The following PLCG2 variants were observed in gnomAD, a reference collection of about 807,000 sequenced individuals.
PLCG2 encodes 1-phosphatidylinositol 4,5-bisphosphate phosphodiesterase gamma-2.
A neutral mutation model predicts 175.6 loss-of-function variants in PLCG2; 69 were observed. That is an observed-to-expected ratio of 0.39 (90% confidence interval 0.32 to 0.48). PLCG2 has a LOEUF of 0.48. PLCG2 is among the 20% of genes least tolerant of loss of function. The probability of loss-of-function intolerance (pLI) is 0.91; values close to 1 mark genes in which losing one functional copy is unlikely to be tolerated. For missense variants in PLCG2, 1,798 were observed against 1,650.9 expected, an observed-to-expected ratio of 1.09 and a Z score of -1.54; for synonymous variants, 827 against 624.0, an observed-to-expected ratio of 1.33 and a Z score of -4.85.
At chr16:81,850,856 C>T (rs1443222848) in intron 2 of PLCG2, among the ~76,000 whole-genome samples, 1 of 152,208 alleles carries the variant, frequency 6.6e-6, no homozygotes, top group African/African-American at 2.4e-5. Flanking sequence ...TTCAGATCTC[C>T]TGCACATGCG....
intron 1 of PLCG2, among the ~76,000 whole-genome samples, chr16:81,741,600 A>G (rs1431739139): frequency 1.3e-5 from 2 of 152,192 alleles, no homozygotes; most frequent in African/African-American, 4.8e-5. Context: ...AGTTGAGGCC[A>G]GGAGTTCAAG....
chr16:81,764,892 C>T (rs368218370), intron 2 of PLCG2, among the ~76,000 whole-genome samples: 1 of 152,060 alleles, frequency 6.6e-6, no homozygotes, highest in Admixed American at 6.6e-5. Flanking sequence ...GAGTTCGAGA[C>T]CAGCCTGGAC....
At chr16:81,805,619 C>A (rs556511748) in intron 2 of PLCG2, among the ~76,000 whole-genome samples, 1 of 151,830 alleles carries the variant, frequency 6.6e-6, no homozygotes, top group Admixed American at 6.6e-5. Context: ...AGATGCCTCA[C>A]ACCCCCTTCC....
intron 2 of PLCG2, among the ~76,000 whole-genome samples, chr16:81,816,395 G>A (rs563162470): frequency 1.3e-5 from 2 of 152,158 alleles, no homozygotes; most frequent in South Asian, 4.2e-4. Context: ...TTAGGCTTCA[G>A]ATACTGAACT....
chr16:81,936,689 C>T (rs781435642), intron 27 of PLCG2, among the ~76,000 whole-genome samples: 7 of 152,202 alleles, frequency 4.6e-5, no homozygotes, highest in Non-Finnish European at 7.3e-5. Context: ...GTTCTCTTCT[C>T]CAGGCCTGTT....
chr16:81,746,390 T>C (rs754040877), intron 1 of PLCG2, among the ~76,000 whole-genome samples: 7 of 152,106 alleles, frequency 4.6e-5, no homozygotes, highest in Non-Finnish European at 8.8e-5. Flanking sequence ...GCCGCAGCGG[T>C]GAACGCACTG....
intron 5 of PLCG2, among the ~76,000 whole-genome samples, chr16:81,860,221 T>A (rs9674372): frequency 0.13 from 19,372 of 148,908 alleles, 1,752 homozygotes; most frequent in Non-Finnish European, 0.2. Flanking sequence ...CATTTTTTTT[T>A]AAAAAAAGCA....
intron 5 of PLCG2, among the ~76,000 whole-genome samples, chr16:81,861,755 C>T (rs189289161): frequency 1.2e-4 from 18 of 152,352 alleles, no homozygotes; most frequent in African/African-American, 4.3e-4. Flanking sequence ...CAGTGCCTCT[C>T]TCCACGCGGT....
intron 1 of PLCG2, among the ~76,000 whole-genome samples, chr16:81,780,301 C>A (rs138743621): frequency 1.4e-3 from 208 of 152,268 alleles, no homozygotes; most frequent in African/African-American, 4.7e-3. Context: ...TGGAGCCACC[C>A]AATTTTCCAG....
intron 26 of PLCG2, chr16:81,935,647 G>GGC: frequency 1.0e-6 from 1 of 985,284 alleles, no homozygotes; most frequent in Non-Finnish European, 1.2e-6. Context: ...TTGACTGCCG[G>GGC]GCTATCCCAC....
At position 81,919,684 on chromosome 16, in the gene PLCG2, G is replaced by C. The variant is rs1296277574; in HGVS notation, c.2235+20G>C. On this transcript the variant is annotated intron_variant, in intron 20 of 32. Transcript: ENST00000564138. ...AATATGGTAGGTGGTGGACTCCCTT[G>C]TGATTTGGTGGGATTTCTTGTCTGA... 28 of 1,598,144 alleles carry C rather than the reference G, an allele frequency of 1.8e-5. No individual in the cohort carries two copies. The highest frequency in any genetic ancestry group is 2.4e-5 in the Non-Finnish European group (28 of 1,167,548).
At chr16:81,742,837 T>G (rs1189469086) in intron 1 of PLCG2, among the ~76,000 whole-genome samples, 1 of 152,218 alleles carries the variant, frequency 6.6e-6, no homozygotes, top group Admixed American at 6.5e-5. Flanking sequence ...GGGCCCCTCG[T>G]CCTCCCAGCT....
intron 7 of PLCG2, among the ~76,000 whole-genome samples, chr16:81,879,255 C>A (rs911037833): frequency 1.2e-4 from 19 of 152,156 alleles, no homozygotes; most frequent in African/African-American, 4.1e-4. Flanking sequence ...CTGATGCCTT[C>A]AGCAGCAGGC....
Position 81,958,236 on chromosome 16 carries a change from C to T in PLCG2, c.*238C>T, listed in dbSNP as rs1911654335. 3.8e-5 allele frequency: 20 copies of T among 527,230 alleles called. No individual in the cohort carries two copies. The South Asian group carries it at 5.2e-4, about 14-fold the overall frequency. The allele number at this position is 527,230 out of a possible 1,614,324, so 32.7% of individuals were successfully genotyped here. On this transcript the variant is annotated 3_prime_UTR_variant, in exon 33 of 33. Coordinates refer to ENST00000564138, the MANE Select transcript of PLCG2 (RefSeq NM_002661.5). The stretch of plus-strand genomic sequence containing the variant: ...TATAGAGGATTCCCCAAAATGTGCT[C>T]CTCATTTTTGGCCTCTCATGTTCCA...
chr16:81,739,525 T>G (rs1218574168), intron 1 of PLCG2: 1 of 152,262 alleles, frequency 6.6e-6, no homozygotes, highest in Non-Finnish European at 1.5e-5. Context: ...GTGCTGAGGA[T>G]GGGTCACCTG....
chr16:81,773,773 A>G (rs1910332773), intron 2 of PLCG2, among the ~76,000 whole-genome samples: 1 of 152,104 alleles, frequency 6.6e-6, no homozygotes, highest in Non-Finnish European at 1.5e-5. Flanking sequence ...CCTATTTACC[A>G]AAGAAGAAAG....
At chr16:81,938,472 G>A (rs1035185054) in intron 28 of PLCG2, 3 of 356,720 alleles carry the variant, frequency 8.4e-6, no homozygotes, top group African/African-American at 4.1e-5. Flanking sequence ...CTTTCCTAGG[G>A]GTGTGGAAAT....
intron 7 of PLCG2, among the ~76,000 whole-genome samples, chr16:81,877,664 G>A (rs960412853): frequency 1.3e-5 from 2 of 152,196 alleles, no homozygotes; most frequent in Non-Finnish European, 2.9e-5. Flanking sequence ...GTGGCTGCCA[G>A]CAGTCCTACA....
chr16:81,808,923 G>A (rs1904294999), intron 2 of PLCG2, among the ~76,000 whole-genome samples: 1 of 152,206 alleles, frequency 6.6e-6, no homozygotes, highest in Non-Finnish European at 1.5e-5. Context: ...TGAGCTTGGT[G>A]TAGTTTGTGG....
Sources: gnomAD v4.1 joint callset for allele counts (sites outside exome capture counted in the v4.1 genomes callset) on GRCh38, gnomAD v4.1.1 for gene constraint, MANE v1.5 for transcripts, NCBI Gene and HGNC (gene_info 2026-07-23, HGNC 2026-07-21) for gene names.